Variants in CAST observed in about 807,000 individuals in gnomAD.
CAST encodes calpastatin.
A neutral mutation model predicts 119.6 loss-of-function variants in CAST; 76 were observed. That is an observed-to-expected ratio of 0.64 (90% CI 0.53 to 0.77). The LOEUF is 0.77. Ranked by LOEUF, CAST falls within the 30% of genes least tolerant of loss-of-function variation. The pLI, the probability that CAST is intolerant of heterozygous loss-of-function variation, is 0.00. For synonymous variants in CAST, 319 were observed against 331.6 expected (o/e 0.96, Z 0.41); for missense variants, 953 against 946.5 (o/e 1.01, Z -0.09).
the CAST span, among the ~76,000 whole-genome samples, chr5:96,383,700 C>T: frequency 2.0e-5 from 3 of 152,188 alleles, no homozygotes; most frequent in Non-Finnish European, 4.4e-5. Context: ...CCTGCCTTGG[C>T]CTTCCAAAGT....
chr5:96,739,546 G>A lies in CAST; in HGVS notation c.799-492G>A, dbSNP rs551753081. On this transcript the variant is annotated intron_variant, in intron 11 of 31. Transcript: ENST00000675179. The stretch of plus-strand genomic sequence containing the variant: ...ATGGTTACCTACATATGTAAAAAAT[G>A]TTCTAAAATAACTTTAAATTGATAT... Among the ~76,000 whole-genome samples, 162 of 152,316 alleles carry A rather than the reference G, an allele frequency of 1.1e-3. 1 individual carries two copies. The South Asian group carries it at 0.032, about 30-fold the overall frequency.
the CAST span, among the ~76,000 whole-genome samples, chr5:96,361,450 G>A: frequency 1.3e-5 from 2 of 152,166 alleles, no homozygotes; most frequent in South Asian, 2.1e-4. Context: ...GAAACCCAGG[G>A]ACCTGGTGGT....
the CAST span, among the ~76,000 whole-genome samples, chr5:95,967,220 C>T: frequency 8.6e-5 from 13 of 152,022 alleles, no homozygotes; most frequent in African/African-American, 3.1e-4. Flanking sequence ...ATGCCATCAG[C>T]CTCAAGAATG....
At chr5:96,301,923 T>C in the CAST span, among the ~76,000 whole-genome samples, 3 of 152,168 alleles carry the variant, frequency 2.0e-5, no homozygotes, top group Admixed American at 2.0e-4. Flanking sequence ...ATAGCTCCGC[T>C]AGGCATTGCT....
chr5:96,210,504 T>C, the CAST span, among the ~76,000 whole-genome samples: 1 of 152,092 alleles, frequency 6.6e-6, no homozygotes, highest in Non-Finnish European at 1.5e-5. Context: ...GGCATATTTG[T>C]TTGGCTCTAT....
At chr5:96,438,019 A>G in the CAST span, among the ~76,000 whole-genome samples, 1,190 of 152,298 alleles carry the variant, frequency 7.8e-3, 17 homozygotes, top group African/African-American at 0.027. Context: ...AGCAATTCAT[A>G]CTTCGAAGGC....
At chr5:96,367,271 A>G in the CAST span, among the ~76,000 whole-genome samples, 2 of 149,032 alleles carry the variant, frequency 1.3e-5, no homozygotes, top group Non-Finnish European at 1.5e-5. Context: ...CTCGGGTGTC[A>G]GGGACCCACT....
chr5:96,109,227 A>G, the CAST span, among the ~76,000 whole-genome samples: 3 of 152,300 alleles, frequency 2.0e-5, no homozygotes, highest in African/African-American at 7.2e-5. Flanking sequence ...AGCTGTTCCT[A>G]TTTGGCCATC....
At chr5:96,151,134 A>T in the CAST span, among the ~76,000 whole-genome samples, 1 of 152,096 alleles carries the variant, frequency 6.6e-6, no homozygotes, top group Non-Finnish European at 1.5e-5. Context: ...TAGAAAACAG[A>T]CTATTTGTTT....
chr5:96,602,461 G>T (rs776582230), intron 1 of CAST, among the ~76,000 whole-genome samples: 3 of 152,154 alleles, frequency 2.0e-5, no homozygotes, highest in African/African-American at 4.8e-5. Flanking sequence ...GAACTAAACA[G>T]GGTCATGAGG....
chr5:96,651,799 C>T lies in CAST; in HGVS notation c.61-23740C>T, dbSNP rs956767070. Among the ~76,000 whole-genome samples, 3 of 152,166 alleles carry T rather than the reference C, an allele frequency of 2.0e-5. No individual in the cohort carries two copies. The East Asian group carries it at 5.8e-4, about 29-fold the overall frequency. On this transcript the variant is annotated intron_variant, in intron 1 of 11. Coordinates refer to the CAST transcript ENST00000505143. ...CTTTTACAAAAATGTGTTGATATAT[C>T]ATGTTTGTAATTGTCTCCTGTTCTG... is the stretch of plus-strand genomic sequence containing the variant.
chr5:96,660,301 C>A (rs1007090865), upstream of CAST, among the ~76,000 whole-genome samples: 41 of 152,286 alleles, frequency 2.7e-4, no homozygotes, highest in African/African-American at 9.6e-4. Context: ...CCCAAACTCC[C>A]AAAACACCTT....
chr5:96,666,824 G>A (rs190086531), intron 1 of CAST, among the ~76,000 whole-genome samples: 4 of 152,250 alleles, frequency 2.6e-5, no homozygotes, highest in East Asian at 1.9e-4. Context: ...TCTGGGGGTG[G>A]GAACAGTGGG....
chr5:96,068,813 T>TTA, the CAST span, among the ~76,000 whole-genome samples: 6 of 151,276 alleles, frequency 4.0e-5, no homozygotes, highest in South Asian at 1.2e-3. Context: ...AAAATATATT[T>TTA]TATATATACA....
chr5:96,178,810 G>A, the CAST span, among the ~76,000 whole-genome samples: 3 of 152,284 alleles, frequency 2.0e-5, no homozygotes, highest in South Asian at 4.1e-4. Context: ...AGTAATGGGT[G>A]CATAGATGAG....
the CAST span, among the ~76,000 whole-genome samples, chr5:96,441,341 C>A: frequency 6.6e-6 from 1 of 151,016 alleles, no homozygotes; most frequent in Non-Finnish European, 1.5e-5. Context: ...TCTTTTTTTT[C>A]TTTCTCTCAT....
At chr5:96,688,315 A>G (rs1423947833) in intron 2 of CAST, among the ~76,000 whole-genome samples, 1 of 152,242 alleles carries the variant, frequency 6.6e-6, no homozygotes. Context: ...ACAAATTAGA[A>G]ATGTGGAACA....
At chr5:96,240,705 A>AAGTGCATG in the CAST span, among the ~76,000 whole-genome samples, 6 of 150,562 alleles carry the variant, frequency 4.0e-5, no homozygotes, top group Non-Finnish European at 8.8e-5. Context: ...CTGGGACCAC[A>AAGTGCATG]AGTGCATGTC....
At chr5:96,303,663 A>G in the CAST span, among the ~76,000 whole-genome samples, 1 of 138,974 alleles carries the variant, frequency 7.2e-6, no homozygotes, top group African/African-American at 2.7e-5. Context: ...ATGTGTTCTC[A>G]TTATTCAACT....
Sources: allele counts gnomAD v4.1 joint callset (sites outside exome capture counted in the v4.1 genomes callset), GRCh38; gene constraint gnomAD v4.1.1; transcripts MANE v1.5; gene names NCBI Gene and HGNC (gene_info 2026-07-23, HGNC 2026-07-21).